The following VOPP1 variants were observed in gnomAD, a reference collection of about 807,000 sequenced individuals.
The protein encoded by VOPP1 is VOPP1 WW domain binding protein, also known as WW domain binding protein VOPP1.
Under a neutral mutation model 23.5 loss-of-function variants are expected in VOPP1, and 8 were observed. The observed-to-expected ratio is 0.34, with a 90% confidence interval of 0.20 to 0.61. VOPP1 has a LOEUF of 0.61. VOPP1 is among the 20% of genes least tolerant of loss of function. VOPP1 has a pLI of 0.78. For synonymous variants in VOPP1, 83 were observed against 97.3 expected (o/e 0.85, Z 0.86); for missense variants, 174 against 238.1 (o/e 0.73, Z 1.77).
intron 1 of VOPP1, among the ~76,000 whole-genome samples, chr7:55,537,984 A>C (rs1290914772): frequency 6.6e-6 from 1 of 152,180 alleles, no homozygotes; most frequent in African/African-American, 2.4e-5. Flanking sequence ...GCCAGCAAGG[A>C]GGCCCCAGGA....
intron 4 of VOPP1, among the ~76,000 whole-genome samples, chr7:55,442,310 C>G (rs1790985433): frequency 6.6e-6 from 1 of 152,154 alleles, no homozygotes; most frequent in African/African-American, 2.4e-5. Context: ...AATCTACATT[C>G]TCCGAAGGGT....
chr7:55,502,443 A>G (rs1399571351), intron 2 of VOPP1, among the ~76,000 whole-genome samples: 1 of 152,150 alleles, frequency 6.6e-6, no homozygotes, highest in Non-Finnish European at 1.5e-5. Context: ...CTGAAGACCC[A>G]TTCACTCTCC....
At position 55,439,341 on chromosome 7, in the gene VOPP1, C is replaced by T. The variant is rs148108045; in HGVS notation, n.418-3167G>A. On this transcript the variant is annotated intron_variant and non_coding_transcript_variant, in intron 4 of 4. Coordinates refer to the VOPP1 transcript ENST00000462326. The stretch of plus-strand genomic sequence containing the variant: ...GGTCGCCTGTGTCAGAGGCTTCTGA[C>T]GCATGAGACAAAAGCCAAGCACTGG... Among the ~76,000 whole-genome samples the T allele has an allele frequency of 1.1e-3, 167 of 152,072 alleles. 1 individual carries two copies. Among genetic ancestry groups the T allele is most frequent in the African/African-American group, 3.9e-3 (160 of 41,470 alleles).
chr7:55,445,350 C>G (rs1395552233), intron 4 of VOPP1, among the ~76,000 whole-genome samples: 1 of 152,078 alleles, frequency 6.6e-6, no homozygotes, highest in Non-Finnish European at 1.5e-5. Context: ...GGACCCCTTA[C>G]TCCTACACAC....
chr7:55,519,641 C>T (rs1205435949), intron 2 of VOPP1, among the ~76,000 whole-genome samples: 1 of 152,224 alleles, frequency 6.6e-6, no homozygotes, highest in Non-Finnish European at 1.5e-5. Flanking sequence ...CCTTATGCTG[C>T]TGTTTTATTT....
chr7:55,464,651 CT>C (rs748954699), intron 4 of VOPP1, among the ~76,000 whole-genome samples: 1 of 152,202 alleles, frequency 6.6e-6, no homozygotes, highest in Non-Finnish European at 1.5e-5. Context: ...TCTGGCTATA[CT>C]GCTGGGTCCA....
At chr7:55,507,129 G>A (rs1465535536) in intron 2 of VOPP1, among the ~76,000 whole-genome samples, 1 of 152,168 alleles carries the variant, frequency 6.6e-6, no homozygotes, top group Non-Finnish European at 1.5e-5. Context: ...CCAGGAGGTG[G>A]TTCAGGCAGA....
intron 4 of VOPP1, among the ~76,000 whole-genome samples, chr7:55,437,985 C>T (rs1229897364): frequency 6.6e-6 from 1 of 151,432 alleles, no homozygotes; most frequent in East Asian, 1.9e-4. Flanking sequence ...ACCTCTGCCT[C>T]CCAGGTTCAA....
At chr7:55,515,895 G>T in intron 2 of VOPP1, 1 of 891,124 alleles carries the variant, frequency 1.1e-6, no homozygotes, top group African/African-American at 1.8e-5. Flanking sequence ...GCTGTTTGCT[G>T]CTTTGGATCC....
At position 55,531,440 on chromosome 7, in the gene VOPP1, C is replaced by T. The variant is rs897693117; in HGVS notation, c.55-10310G>A. ...TCTTGGCTCACTGCAACCTCTGCCT[C>T]CTGGGTTCAAGCGATTCTCTTGCCC... On this transcript the variant is annotated intron_variant, in intron 1 of 4. Transcript: ENST00000285279. Among the ~76,000 whole-genome samples, 3 of 150,688 alleles carry T rather than the reference C, an allele frequency of 2.0e-5. No individual in the cohort carries two copies. In the South Asian group the frequency reaches 6.3e-4, roughly 32 times the overall value.
chr7:55,505,656 AGGGAGGGAGGG>A (rs1562936437), intron 2 of VOPP1, among the ~76,000 whole-genome samples: 39 of 516 alleles, frequency 0.076, no homozygotes, highest in Non-Finnish European at 0.27. Flanking sequence ...GAAGGAAGGG[AGGGAGGGAGGG>A]AGGGAGGGAG....
At chr7:55,518,989 C>CAGAGGCAGAACAGAGAAGACTAGTG (rs1795660021) in intron 2 of VOPP1, among the ~76,000 whole-genome samples, 1 of 152,130 alleles carries the variant, frequency 6.6e-6, no homozygotes, top group Non-Finnish European at 1.5e-5. Context: ...ACAGAAAGAC[C>CAGAGGCAGAACAGAGAAGACTAGTG]AGAGGCAGAA....
At chr7:55,457,801 GA>G (rs1791405780) in intron 4 of VOPP1, among the ~76,000 whole-genome samples, 1 of 151,362 alleles carries the variant, frequency 6.6e-6, no homozygotes, top group South Asian at 2.1e-4. Flanking sequence ...TTTTAAAAGG[GA>G]TTTTTTTTTT....
At chr7:55,515,520 G>T (rs1402903018) in intron 2 of VOPP1, among the ~76,000 whole-genome samples, 1 of 152,218 alleles carries the variant, frequency 6.6e-6, no homozygotes, top group Non-Finnish European at 1.5e-5. Context: ...GAGAATACAG[G>T]CATCCCAAAT....
At chr7:55,521,173 C>A in intron 1 of VOPP1, 43 bp from the exon 2 acceptor site, 1 of 1,540,638 alleles carries the variant, frequency 6.5e-7, no homozygotes, top group Non-Finnish European at 8.8e-7. Context: ...ACTCAGGAAT[C>A]TGCATGTTGT....
At chr7:55,545,535 T>A (rs116623382) in intron 1 of VOPP1, among the ~76,000 whole-genome samples, 155 of 152,358 alleles carry the variant, frequency 1.0e-3, no homozygotes, top group African/African-American at 3.4e-3. Context: ...TATGCATGGC[T>A]GAATTCACCT....
In VOPP1 at chr7:55,492,356, A is replaced by G. The variant is rs781302817; in HGVS notation, c.254T>C (p.Met85Thr). The change falls in exon 4 of 5, where the codon ATG becomes ACG. Residue 85 changes from methionine to threonine, a missense_variant. Coordinates refer to ENST00000285279, the MANE Select transcript of VOPP1 (RefSeq NM_030796.5). ...CGAGFFIRRR[M>T]YPPPLIEEPA... Reference sequence around the variant, plus strand: ...CTCCTCGATCAGCGGCGGGGGGTACATGCGCCTCCGGATGAAGAAGCCGGC... The same window carrying G: ...CTCCTCGATCAGCGGCGGGGGGTACGTGCGCCTCCGGATGAAGAAGCCGGC... The G allele has an allele frequency of 6.2e-7, 1 of 1,608,802 alleles. No individual in the cohort carries two copies. Among genetic ancestry groups the G allele is most frequent in the Admixed American group, 1.7e-5 (1 of 59,182 alleles).
At position 55,492,406 on chromosome 7, in the gene VOPP1, C is replaced by G. The variant is rs1315328305; in HGVS notation, c.204G>C (p.Met68Ile). Residue 68 changes from methionine to isoleucine, a missense_variant, in exon 4 of 5, where the codon ATG becomes ATC. Physicochemically the swap from Met to Ile is conservative, Grantham distance 10. Coordinates refer to ENST00000285279, the MANE Select transcript of VOPP1 (RefSeq NM_030796.5). The part of the protein sequence containing the change: ...QRLWYFWFLL[M>I]MGVLFCCGAG... Reference sequence around the variant, plus strand: ...CTCCGCAGCAGAAAAGCACGCCCATCATCAGAAGGAACCTGAGGAGAGTAC... The same window carrying G: ...CTCCGCAGCAGAAAAGCACGCCCATGATCAGAAGGAACCTGAGGAGAGTAC... 1.2e-6 allele frequency: 2 copies of G among 1,611,016 alleles called. No individual in the cohort carries two copies. Among genetic ancestry groups the G allele is most frequent in the African/African-American group, 1.3e-5 (1 of 74,988 alleles).
chr7:55,486,490 G>A (rs932687257), intron 4 of VOPP1, among the ~76,000 whole-genome samples: 2 of 152,160 alleles, frequency 1.3e-5, no homozygotes, highest in Admixed American at 6.5e-5. Context: ...TGCCGCGTAA[G>A]AATAACGGAG....
Sources: allele counts gnomAD v4.1 joint callset (sites outside exome capture counted in the v4.1 genomes callset), GRCh38; gene constraint gnomAD v4.1.1; transcripts MANE v1.5; gene names NCBI Gene and HGNC (gene_info 2026-07-23, HGNC 2026-07-21).